REEP3: variants seen among roughly 807,000 people sequenced by gnomAD.
REEP3 encodes receptor expression-enhancing protein 3.
REEP3 carries 20 observed loss-of-function variants against 41.3 expected under a neutral mutation model. That is an observed-to-expected ratio of 0.48 (90% confidence interval 0.34 to 0.70). REEP3 has a LOEUF of 0.70. Among genes scored for constraint, REEP3 ranks in the 30% least tolerant of loss-of-function variants. The probability of loss-of-function intolerance (pLI) is 0.01; values close to 1 mark genes in which losing one functional copy is unlikely to be tolerated. For missense variants in REEP3, 271 were observed against 308.8 expected (o/e 0.88, Z 0.92); for synonymous variants, 104 against 101.8 (o/e 1.02, Z -0.13).
chr10:63,527,811 G>C (rs898868924), intron 1 of REEP3, among the ~76,000 whole-genome samples: 19 of 152,140 alleles, frequency 1.2e-4, no homozygotes, highest in Non-Finnish European at 2.5e-4. Context: ...CACTGAAATT[G>C]CCCTTCTCAG....
intron 6 of REEP3, among the ~76,000 whole-genome samples, chr10:63,616,703 G>A (rs185793741): frequency 7.2e-5 from 11 of 152,128 alleles, no homozygotes; most frequent in Non-Finnish European, 1.5e-4. Flanking sequence ...TAGAGAAATT[G>A]TTTATCACAG....
chr10:63,554,944 T>C (rs1047059099), intron 1 of REEP3, among the ~76,000 whole-genome samples: 1 of 152,174 alleles, frequency 6.6e-6, no homozygotes, highest in Non-Finnish European at 1.5e-5. Context: ...GGGGCGTGGC[T>C]AGTGGGGAGA....
intron 5 of REEP3, among the ~76,000 whole-genome samples, chr10:63,603,109 T>C (rs542717954): frequency 1.3e-5 from 2 of 151,594 alleles, no homozygotes; most frequent in Admixed American, 6.6e-5. Context: ...GTCAGGAGAT[T>C]GAGACCATCC....
At chr10:63,533,813 T>C (rs937444839) in intron 1 of REEP3, among the ~76,000 whole-genome samples, 4 of 149,170 alleles carry the variant, frequency 2.7e-5, no homozygotes, top group African/African-American at 9.8e-5. Flanking sequence ...GTTCAAGCAA[T>C]TCTCCTACCT....
intron 1 of REEP3, among the ~76,000 whole-genome samples, chr10:63,530,771 GTACAT>G (rs1382243938): frequency 2.0e-5 from 3 of 152,016 alleles, no homozygotes; most frequent in African/African-American, 7.2e-5. Context: ...CAAATAAATG[GTACAT>G]TACAACAATA....
chr10:63,573,050 TA>T (rs1955866928), intron 2 of REEP3, among the ~76,000 whole-genome samples: 1 of 152,212 alleles, frequency 6.6e-6, no homozygotes, highest in Non-Finnish European at 1.5e-5. Flanking sequence ...ACTTCAAAAT[TA>T]TTTTCAGAAA....
chr10:63,531,108 A>G (rs923101088), intron 1 of REEP3, among the ~76,000 whole-genome samples: 2 of 152,218 alleles, frequency 1.3e-5, no homozygotes, highest in Non-Finnish European at 2.9e-5. Flanking sequence ...ATCAGGCGAG[A>G]TGGCATACTC....
chr10:63,618,308 C>T (rs1334076462), intron 6 of REEP3, among the ~76,000 whole-genome samples: 2 of 135,376 alleles, frequency 1.5e-5, no homozygotes, highest in East Asian at 2.1e-4. Flanking sequence ...TGCAGTGGCG[C>T]GATCTCAGCT....
intron 3 of REEP3, 53 bp downstream of exon 3, chr10:63,594,907 C>T: frequency 1.8e-6 from 2 of 1,102,158 alleles, no homozygotes; most frequent in South Asian, 2.5e-5. Flanking sequence ...ATCAGGTGTC[C>T]TAAGTTCTTA....
At chr10:63,590,895 A>G (rs1457889303) in intron 2 of REEP3, among the ~76,000 whole-genome samples, 1 of 152,238 alleles carries the variant, frequency 6.6e-6, no homozygotes, top group South Asian at 2.1e-4. Context: ...CCAGTAGCTT[A>G]AAAGGTGATT....
At chr10:63,619,884 A>G in intron 7 of REEP3, 84 bp downstream of exon 7, 1 of 1,093,618 alleles carries the variant, frequency 9.1e-7, no homozygotes, top group Admixed American at 2.6e-5. Flanking sequence ...AATGATCCAT[A>G]AATGAAGGAT....
intron 1 of REEP3, among the ~76,000 whole-genome samples, chr10:63,552,619 C>T (rs1232618564): frequency 2.0e-5 from 3 of 152,170 alleles, no homozygotes; most frequent in Non-Finnish European, 4.4e-5. Context: ...GGAATTTTAA[C>T]ACCCCTTCTT....
intron 1 of REEP3, among the ~76,000 whole-genome samples, chr10:63,542,111 A>G (rs375891630): frequency 5.7e-4 from 83 of 144,946 alleles, no homozygotes; most frequent in African/African-American, 2.1e-3. Flanking sequence ...ACAGAGTCTC[A>G]CTCTGTTGCC....
chr10:63,583,052 C>A (rs1443997064), intron 2 of REEP3, among the ~76,000 whole-genome samples: 2 of 152,164 alleles, frequency 1.3e-5, no homozygotes, highest in African/African-American at 4.8e-5. Flanking sequence ...GTGGCACGAT[C>A]TCAGCTCACT....
chr10:63,550,798 C>A (rs1381679222), intron 1 of REEP3, among the ~76,000 whole-genome samples: 1 of 152,006 alleles, frequency 6.6e-6, no homozygotes, highest in Non-Finnish European at 1.5e-5. Context: ...ACTATCCTCT[C>A]CATCAAAAGA....
intron 1 of REEP3, among the ~76,000 whole-genome samples, chr10:63,552,133 A>G (rs181340323): frequency 6.6e-6 from 1 of 152,288 alleles, no homozygotes; most frequent in East Asian, 1.9e-4. Context: ...GGCCGGGCAC[A>G]GTGGCTCACG....
rs771827781 is a variant in REEP3, at chr10:63,521,520, G to A, written c.-26G>A. The A allele has an allele frequency of 7.1e-7, 1 of 1,413,930 alleles. No individual in the cohort carries two copies. Among genetic ancestry groups the A allele is most frequent in the Non-Finnish European group, 9.3e-7 (1 of 1,072,156 alleles). 87.6% of individuals were successfully genotyped at this position (1,413,930 alleles called of 1,614,324 possible). On this transcript the variant is annotated 5_prime_UTR_variant, in exon 1 of 8. Transcript: ENST00000373758. ...CAGCGCCCTGCGCCCACCCGCCCCG[G>A]ACGTGGGGCCCAAGCCCCCGTGAAG... is the stretch of plus-strand genomic sequence containing the variant.
chr10:63,594,727 G>C, intron 2 of REEP3, 51 bp from the exon 3 acceptor site: 2 of 1,109,196 alleles, frequency 1.8e-6, no homozygotes, highest in African/African-American at 1.5e-5. Context: ...ATTATTCAGA[G>C]TTGCAAATAA....
chr10:63,600,315 A>G (rs1589884006), intron 5 of REEP3, among the ~76,000 whole-genome samples: 2 of 152,182 alleles, frequency 1.3e-5, no homozygotes, highest in East Asian at 3.8e-4. Flanking sequence ...AAGAAGGAAA[A>G]TTCAAATTAT....
Sources: gnomAD v4.1 joint callset for allele counts (sites outside exome capture counted in the v4.1 genomes callset) on GRCh38, gnomAD v4.1.1 for gene constraint, MANE v1.5 for transcripts, NCBI Gene and HGNC (gene_info 2026-07-23, HGNC 2026-07-21) for gene names.